The following ANKRD12 variants were observed in gnomAD, a reference collection of about 807,000 sequenced individuals.
ANKRD12 encodes the protein ankyrin repeat domain 12.
Under a neutral mutation model 183.4 loss-of-function variants are expected in ANKRD12, and 85 were observed. That is an observed-to-expected ratio of 0.46 (90% CI 0.39 to 0.56). The LOEUF is 0.56. ANKRD12 is among the 20% of genes least tolerant of loss of function. The pLI, the probability that ANKRD12 is intolerant of heterozygous loss-of-function variation, is 0.00. For missense variants in ANKRD12, 2,405 were observed against 2,357.1 expected (o/e 1.02, Z -0.42); for synonymous variants, 914 against 800.2 (o/e 1.14, Z -2.40).
chr18:9,212,274 A>G (rs1209445970), intron 6 of ANKRD12, among the ~76,000 whole-genome samples: 3 of 152,022 alleles, frequency 2.0e-5, no homozygotes, highest in African/African-American at 7.2e-5. Flanking sequence ...CACATACTGC[A>G]CAACCCTACC....
intron 8 of ANKRD12, among the ~76,000 whole-genome samples, chr18:9,234,222 C>T (rs1006646918): frequency 6.6e-6 from 1 of 152,184 alleles, no homozygotes; most frequent in African/African-American, 2.4e-5. Flanking sequence ...CTCTGTTTCG[C>T]TCACCCCAGC....
intron 8 of ANKRD12, among the ~76,000 whole-genome samples, chr18:9,235,481 T>C (rs1199737341): frequency 6.6e-6 from 1 of 152,250 alleles, no homozygotes; most frequent in African/African-American, 2.4e-5. Flanking sequence ...TATTTTGCCA[T>C]AGTTAATATA....
intron 1 of ANKRD12, among the ~76,000 whole-genome samples, chr18:9,154,285 G>A (rs1363483066): frequency 6.6e-6 from 1 of 152,076 alleles, no homozygotes. Flanking sequence ...AGATGGATGT[G>A]GTAACATGTG....
At chr18:9,190,980 A>G (rs548041235) in intron 2 of ANKRD12, among the ~76,000 whole-genome samples, 3 of 152,154 alleles carry the variant, frequency 2.0e-5, no homozygotes, top group African/African-American at 7.2e-5. Flanking sequence ...TTCTGTTTAT[A>G]TATTTGCACG....
Position 9,256,467 on chromosome 18 carries a change from A to G in ANKRD12, c.3200A>G (p.Glu1067Gly). 6.2e-7 allele frequency: 1 copy of G among 1,613,664 alleles called. No individual in the cohort carries two copies. The highest frequency in any genetic ancestry group is 8.5e-7 in the Non-Finnish European group (1 of 1,179,878). ...SPASKDTRPK[E>G]KRLVNDDLMQ... Reference sequence around the variant, plus strand: ...GCATCAAAAGATACCCGACCTAAAGAAAAGAGGTTAGTGAATGATGATTTA... The same window carrying G: ...GCATCAAAAGATACCCGACCTAAAGGAAAGAGGTTAGTGAATGATGATTTA... Residue 1067 changes from glutamate (E) to glycine (G), a missense_variant, in exon 9 of 13, where the codon GAA (glutamate) becomes GGA (glycine). Glu to Gly is a moderately conservative substitution (Grantham distance 98, BLOSUM62 -2). Around this residue, in one of 7 missense-constraint regions of ANKRD12, gnomAD observed 1,983 missense variants for 1,725.9 expected, o/e 1.15. Coordinates refer to ENST00000262126, the MANE Select transcript of ANKRD12 (RefSeq NM_015208.5).
At chr18:9,269,911 A>G (rs1598763630) in intron 10 of ANKRD12, among the ~76,000 whole-genome samples, 4 of 152,366 alleles carry the variant, frequency 2.6e-5, no homozygotes, top group Admixed American at 2.6e-4. Flanking sequence ...AATGAACTCA[A>G]ACAGATTTAC....
chr18:9,229,850 G>C lies in ANKRD12; in HGVS notation c.943+7851G>C, dbSNP rs550639287. Among the ~76,000 whole-genome samples the C allele has an allele frequency of 4.6e-5, 7 of 152,230 alleles. No individual in the cohort carries two copies. In the South Asian group the frequency reaches 1.5e-3, roughly 32 times the overall value. ...GATCATGTTGTATTATCTTTTCGAT[G>C]TGCCATTGGATTCAGTTTGCTAATA... On this transcript the variant is annotated intron_variant, in intron 8 of 12. Transcript: ENST00000262126.
chr18:9,263,957 A>G, intron 10 of ANKRD12, 69 bp downstream of exon 10: 3 of 1,149,320 alleles, frequency 2.6e-6, no homozygotes, highest in Non-Finnish European at 3.5e-6. Context: ...AAAATGGCCT[A>G]TAATTTTTTA....
intron 8 of ANKRD12, among the ~76,000 whole-genome samples, chr18:9,247,289 G>C (rs1221780574): frequency 1.3e-5 from 2 of 150,636 alleles, no homozygotes; most frequent in African/African-American, 2.4e-5. Context: ...GACTAACCTG[G>C]GCAACAGCCA....
intron 1 of ANKRD12, among the ~76,000 whole-genome samples, chr18:9,168,832 TTCCTGCTTTC>T (rs1183731127): frequency 6.6e-6 from 1 of 152,196 alleles, no homozygotes; most frequent in Non-Finnish European, 1.5e-5. Flanking sequence ...TTTTAGATCT[TTCCTGCTTTC>T]TCTTGTGGGC....
At chr18:9,181,746 G>A (rs936173586) in intron 1 of ANKRD12, among the ~76,000 whole-genome samples, 3 of 152,068 alleles carry the variant, frequency 2.0e-5, no homozygotes, top group East Asian at 3.9e-4. Flanking sequence ...GCATAAACTT[G>A]TCATAATCAT....
chr18:9,216,705 T>C (rs1236392321), intron 6 of ANKRD12, 53 bp from the exon 7 acceptor site: 1 of 1,578,710 alleles, frequency 6.3e-7, no homozygotes, highest in Non-Finnish European at 8.6e-7. Context: ...ATGAAAAGCA[T>C]ATATTTTGAA....
chr18:9,180,969 T>C (rs1168591084), intron 1 of ANKRD12, among the ~76,000 whole-genome samples: 2 of 152,204 alleles, frequency 1.3e-5, no homozygotes, highest in East Asian at 3.8e-4. Flanking sequence ...AGCCAGTCTT[T>C]TTGTTTTTAT....
Position 9,258,053 on chromosome 18 carries a change from G to A in ANKRD12, c.4786G>A (p.Ala1596Thr), listed in dbSNP as rs376041175. 3.2e-5 allele frequency: 51 copies of A among 1,613,228 alleles called. No homozygotes were observed. The highest frequency in any genetic ancestry group is 4.1e-5 in the Non-Finnish European group (48 of 1,179,976). Residue 1596 changes from alanine to threonine, a missense_variant, in exon 9 of 13, where the codon GCC becomes ACC. Physicochemically the swap from Ala to Thr is moderately conservative, Grantham distance 58. Around this residue, in one of 7 missense-constraint regions of ANKRD12, gnomAD observed 1,983 missense variants for 1,725.9 expected, o/e 1.15. Coordinates refer to ENST00000262126, the MANE Select transcript of ANKRD12 (RefSeq NM_015208.5). ...PSEKDFNGSDASTQLNTHYAF... is the reference protein window; with the variant it reads ...PSEKDFNGSDTSTQLNTHYAF... ...AGAAAAGGACTTTAATGGAAGTGAT[G>A]CCTCTACCCAGCTAAATACACATTA...
At chr18:9,159,463 G>T (rs2031084060) in intron 1 of ANKRD12, among the ~76,000 whole-genome samples, 1 of 151,960 alleles carries the variant, frequency 6.6e-6, no homozygotes, top group African/African-American at 2.4e-5. Context: ...ATGGAGTCTT[G>T]CTCTGTCGCC....
chr18:9,220,118 TATTC>T (rs1348146383), intron 7 of ANKRD12, among the ~76,000 whole-genome samples: 2 of 152,252 alleles, frequency 1.3e-5, no homozygotes, highest in East Asian at 1.9e-4. Flanking sequence ...TTTTTTTCTT[TATTC>T]ATTGTGAATC....
In ANKRD12 at chr18:9,258,572, GGAA is replaced by G; in HGVS notation, c.5309_5311del (p.Arg1770del). 6.2e-7 allele frequency: 1 copy of G among 1,613,844 alleles called. No individual in the cohort carries two copies. Among genetic ancestry groups the G allele is most frequent in the Non-Finnish European group, 8.5e-7 (1 of 1,179,914 alleles). Reference sequence around the variant, plus strand: ...AGACAGTGAATCCTCATCTCCTAGAGGAAGAATAAGATTAACTGAAGATGACGA... The same window carrying G: ...AGACAGTGAATCCTCATCTCCTAGAGGAATAAGATTAACTGAAGATGACGA... On this transcript the variant is annotated inframe_deletion, in exon 9 of 13. Transcript: ENST00000262126.
rs775877613 is a variant in ANKRD12 at position 9,262,786 on chromosome 18, C to CTTTTTT, written c.5665-1004_5665-1003insTTTTTT. Among the ~76,000 whole-genome samples the CTTTTTT allele has an allele frequency of 1.3e-3, 112 of 87,930 alleles. 32 individuals carry two copies. Among genetic ancestry groups the CTTTTTT allele is most frequent in the African/African-American group, 1.7e-3 (42 of 24,210 alleles). 57.7% of individuals were successfully genotyped at this position (87,930 alleles called of 152,430 possible). On this transcript the variant is annotated intron_variant, in intron 9 of 12. Coordinates refer to ENST00000262126, the MANE Select transcript of ANKRD12 (RefSeq NM_015208.5). Reference sequence around the variant, plus strand: ...AGCCACCATGCCCAGCCAAGATGTCCCTTTTTTTTTTTTTTTTTTTTTTTT... The same window carrying CTTTTTT: ...AGCCACCATGCCCAGCCAAGATGTCCTTTTTTCTTTTTTTTTTTTTTTTTTTTTTTT...
intron 1 of ANKRD12, among the ~76,000 whole-genome samples, chr18:9,141,229 T>C (rs1242799571): frequency 6.6e-6 from 1 of 151,954 alleles, no homozygotes; most frequent in African/African-American, 2.4e-5. Context: ...GTGGTGGTGG[T>C]GGTGGTTTTA....
Sources: gnomAD v4.1 joint callset for allele counts (sites outside exome capture counted in the v4.1 genomes callset) on GRCh38, gnomAD v4.1.1 for gene constraint, gnomAD v4.1.1 regional missense constraint, MANE v1.5 for transcripts, NCBI Gene and HGNC (gene_info 2026-07-23, HGNC 2026-07-21) for gene names.